PTPRD: variants seen among roughly 807,000 people sequenced by gnomAD.
PTPRD encodes receptor-type tyrosine-protein phosphatase delta.
In PTPRD, 34 loss-of-function variants were observed where a neutral mutation model predicts 214.5. The observed-to-expected ratio is 0.16, with a 90% CI of 0.12 to 0.21. The LOEUF (loss-of-function observed/expected upper bound fraction) is 0.21. Among genes scored for constraint, PTPRD ranks in the 10% least tolerant of loss-of-function variants. PTPRD has a pLI of 1.00. For synonymous variants in PTPRD, 1,128 were observed against 845.7 expected (o/e 1.33, Z -5.79); for missense variants, 2,545 against 2,398.7 (o/e 1.06, Z -1.27).
At chr9:10,570,950 C>T (rs1213940800) in intron 2 of PTPRD, among the ~76,000 whole-genome samples, 17 of 150,550 alleles carry the variant, frequency 1.1e-4, no homozygotes, top group East Asian at 3.9e-4. Context: ...GCATTTTAGG[C>T]GATAGAAATG....
At chr9:9,321,367 C>T (rs1966400490) in intron 9 of PTPRD, among the ~76,000 whole-genome samples, 1 of 152,004 alleles carries the variant, frequency 6.6e-6, no homozygotes, top group South Asian at 2.1e-4. Context: ...ACCAGCCTGA[C>T]CAATATGGTG....
intron 11 of PTPRD, among the ~76,000 whole-genome samples, chr9:8,966,432 C>A (rs1171998419): frequency 4.6e-5 from 7 of 150,728 alleles, no homozygotes; most frequent in African/African-American, 1.7e-4. Context: ...AAAAAAAAAG[C>A]AACAAAAAAC....
intron 14 of PTPRD, among the ~76,000 whole-genome samples, chr9:8,616,778 A>G (rs906388346): frequency 3.9e-5 from 6 of 152,272 alleles, no homozygotes; most frequent in African/African-American, 1.4e-4. Flanking sequence ...GGGGCTAGAC[A>G]GTTTTATTCT....
At chr9:8,791,834 C>G (rs992169809) in intron 11 of PTPRD, among the ~76,000 whole-genome samples, 1 of 151,938 alleles carries the variant, frequency 6.6e-6, no homozygotes, top group Admixed American at 6.6e-5. Context: ...GGTGTTTTAA[C>G]TTAGGGAACA....
chr9:10,361,118 T>C (rs7847734), intron 2 of PTPRD, among the ~76,000 whole-genome samples: 151,330 of 152,248 alleles, frequency 0.99, 75,212 homozygotes, highest in Middle Eastern at 1. Context: ...AACAAACAAA[T>C]AAACAAAAAA....
At chr9:10,112,607 G>T (rs1306045752) in intron 3 of PTPRD, among the ~76,000 whole-genome samples, 1 of 152,122 alleles carries the variant, frequency 6.6e-6, no homozygotes, top group East Asian at 1.9e-4. Context: ...CCCTGCCCAG[G>T]CCGTGGAGGA....
At chr9:9,654,206 TA>T (rs1564341718) in intron 7 of PTPRD, among the ~76,000 whole-genome samples, 1 of 152,166 alleles carries the variant, frequency 6.6e-6, no homozygotes, top group Non-Finnish European at 1.5e-5. Context: ...GACTTTTTAA[TA>T]ACCTTATTGT....
intron 11 of PTPRD, among the ~76,000 whole-genome samples, chr9:8,804,520 A>C (rs939946050): frequency 1.3e-5 from 2 of 152,008 alleles, no homozygotes; most frequent in South Asian, 4.2e-4. Context: ...ATTGCTGGGC[A>C]CTGGAGGTCG....
chr9:9,159,623 C>T (rs114498381), intron 10 of PTPRD, among the ~76,000 whole-genome samples: 155 of 152,142 alleles, frequency 1.0e-3, no homozygotes, highest in African/African-American at 3.6e-3. Flanking sequence ...GTTAAAATGC[C>T]ATTACTACTT....
rs116334275 is a variant in PTPRD, at chr9:10,099,163, T to C, written c.-544-65373A>G. On this transcript the variant is annotated intron_variant, in intron 3 of 45. Transcript: ENST00000381196. ...ATGGTTTTAATTTCAAGATTATTTTTTGAAAGTCAGCATAAGTGTACTTAT... is the reference window on the plus strand; with the variant it reads ...ATGGTTTTAATTTCAAGATTATTTTCTGAAAGTCAGCATAAGTGTACTTAT... Among the ~76,000 whole-genome samples, 567 of 151,870 alleles carry C rather than the reference T, an allele frequency of 3.7e-3. 6 individuals are homozygous for C. Among genetic ancestry groups the C allele is most frequent in the African/African-American group, 9.1e-3 (379 of 41,510 alleles).
At chr9:9,242,781 T>G (rs2099971022) in intron 9 of PTPRD, among the ~76,000 whole-genome samples, 1 of 152,134 alleles carries the variant, frequency 6.6e-6, no homozygotes. Flanking sequence ...TTCCGATGGT[T>G]TCAAACTCCT....
chr9:10,583,888 G>A (rs1417850565), intron 2 of PTPRD, among the ~76,000 whole-genome samples: 4 of 152,140 alleles, frequency 2.6e-5, no homozygotes, highest in African/African-American at 4.8e-5. Flanking sequence ...TCAAAGCACT[G>A]AGTTAATGTC....
chr9:9,067,542 T>A (rs1355872371), intron 10 of PTPRD, among the ~76,000 whole-genome samples: 1 of 152,226 alleles, frequency 6.6e-6, no homozygotes, highest in African/African-American at 2.4e-5. Context: ...TGGCAGGTAC[T>A]TATCTTCTAT....
Position 9,949,594 on chromosome 9 carries a change from G to A in PTPRD, c.-471-10984C>T, listed in dbSNP as rs550761013. 2.0e-5 allele frequency among the ~76,000 whole-genome samples: 3 copies of A among 152,256 alleles called. No individual in the cohort carries two copies. In the South Asian group the frequency reaches 6.2e-4, roughly 32 times the overall value. ...GGAAAAATCATACGACCTAGGTTAA[G>A]CCAATCACTACATCCAGGCTCCTAG... On this transcript the variant is annotated intron_variant, in intron 4 of 45. Transcript: ENST00000381196.
chr9:8,770,321 T>C (rs2095106850), intron 11 of PTPRD, among the ~76,000 whole-genome samples: 1 of 150,642 alleles, frequency 6.6e-6, no homozygotes, highest in Non-Finnish European at 1.5e-5. Context: ...AAGTACCTTC[T>C]CAATTTGCTA....
chr9:10,585,390 T>C (rs888715576), intron 2 of PTPRD, among the ~76,000 whole-genome samples: 45 of 152,056 alleles, frequency 3.0e-4, no homozygotes, highest in African/African-American at 8.7e-4. Flanking sequence ...GACATCTCAT[T>C]AGGAGATAGC....
chr9:9,133,445 G>T (rs1038418183), intron 10 of PTPRD, among the ~76,000 whole-genome samples: 1 of 152,074 alleles, frequency 6.6e-6, no homozygotes. Flanking sequence ...ATATAAGATG[G>T]TCAATTCATT....
intron 7 of PTPRD, among the ~76,000 whole-genome samples, chr9:9,580,940 G>A (rs1456712124): frequency 6.6e-6 from 1 of 152,056 alleles, no homozygotes; most frequent in South Asian, 2.1e-4. Context: ...CCTGTCAGTT[G>A]TGTTGTTGTC....
chr9:9,946,476 A>G (rs79282083), intron 4 of PTPRD, among the ~76,000 whole-genome samples: 109 of 152,290 alleles, frequency 7.2e-4, no homozygotes, highest in African/African-American at 2.5e-3. Context: ...AAATAAACTT[A>G]CAGAAAGAGT....
Sources: gnomAD v4.1 joint callset for allele counts (sites outside exome capture counted in the v4.1 genomes callset) on GRCh38, gnomAD v4.1.1 for gene constraint, MANE v1.5 for transcripts, NCBI Gene and HGNC (gene_info 2026-07-23, HGNC 2026-07-21) for gene names.